Variants in KCNIP4 observed in about 807,000 individuals in gnomAD.
KCNIP4 encodes the protein Kv channel-interacting protein 4.
Under a neutral mutation model 34.0 loss-of-function variants are expected in KCNIP4, and 12 were observed. That is an observed-to-expected ratio of 0.35 (90% CI 0.23 to 0.57). The LOEUF (loss-of-function observed/expected upper bound fraction) is 0.57. Among genes scored for constraint, KCNIP4 ranks in the 20% least tolerant of loss-of-function variants. KCNIP4 has a pLI of 0.83. For synonymous variants in KCNIP4, 124 were observed against 102.2 expected (o/e 1.21, Z -1.29); for missense variants, 238 against 311.7 (o/e 0.76, Z 1.78).
chr4:20,998,688 A>C (rs1474917872), intron 1 of KCNIP4, among the ~76,000 whole-genome samples: 1 of 152,188 alleles, frequency 6.6e-6, no homozygotes, highest in Non-Finnish European at 1.5e-5. Flanking sequence ...ATAAGAAAAC[A>C]CTTGTCTCTT....
rs1758060550 is a variant in KCNIP4, at chr4:21,222,590, G to A, written c.62-339881C>T. ...CTGTTCATGCAACTACTGTTAACAT[G>A]TTTTTAAATTTTTTTCTTTAGAATA... On this transcript the variant is annotated intron_variant, in intron 1 of 8. Coordinates refer to ENST00000382152, the MANE Select transcript of KCNIP4 (RefSeq NM_025221.6). 1.3e-5 allele frequency among the ~76,000 whole-genome samples: 2 copies of A among 152,088 alleles called. 1 individual carries two copies. Among genetic ancestry groups the A allele is most frequent in the Admixed American group, 1.3e-4 (2 of 15,252 alleles).
At chr4:21,564,261 C>A (rs544798891) in intron 1 of KCNIP4, among the ~76,000 whole-genome samples, 2 of 152,202 alleles carry the variant, frequency 1.3e-5, no homozygotes, top group African/African-American at 4.8e-5. Context: ...TGCTTGCTCT[C>A]AAATGGGAAG....
At chr4:21,686,813 T>C (rs1386260167) in intron 1 of KCNIP4, among the ~76,000 whole-genome samples, 1 of 151,916 alleles carries the variant, frequency 6.6e-6, no homozygotes, top group African/African-American at 2.4e-5. Context: ...AGTATCCCAT[T>C]ACTGGGTATA....
At chr4:21,595,442 C>T (rs1272813279) in intron 1 of KCNIP4, among the ~76,000 whole-genome samples, 1 of 152,090 alleles carries the variant, frequency 6.6e-6, no homozygotes, top group African/African-American at 2.4e-5. Context: ...AATAGTGCTA[C>T]AGTAAACATG....
At chr4:21,348,252 C>T (rs1157791089) in intron 1 of KCNIP4, among the ~76,000 whole-genome samples, 1 of 152,106 alleles carries the variant, frequency 6.6e-6, no homozygotes, top group Non-Finnish European at 1.5e-5. Flanking sequence ...ATTATCAAGT[C>T]ACTAACAGTC....
At chr4:21,344,290 G>T (rs1294614002) in intron 1 of KCNIP4, among the ~76,000 whole-genome samples, 1 of 152,090 alleles carries the variant, frequency 6.6e-6, no homozygotes. Flanking sequence ...GAGAATAAAA[G>T]CTTCATGTGG....
intron 5 of KCNIP4, among the ~76,000 whole-genome samples, chr4:20,741,948 G>A (rs974832534): frequency 6.6e-6 from 1 of 152,188 alleles, no homozygotes; most frequent in East Asian, 1.9e-4. Context: ...ACACCTCTAT[G>A]CGAATAAACT....
chr4:21,859,782 A>C (rs962780460), intron 1 of KCNIP4, among the ~76,000 whole-genome samples: 2 of 152,182 alleles, frequency 1.3e-5, no homozygotes. Context: ...TAATCCCAGC[A>C]CTTTGGGAAG....
At chr4:21,033,582 T>A (rs1285912663) in intron 1 of KCNIP4, among the ~76,000 whole-genome samples, 1 of 152,152 alleles carries the variant, frequency 6.6e-6, no homozygotes, top group African/African-American at 2.4e-5. Flanking sequence ...GAGGAGACAG[T>A]GAAAACCATG....
intron 1 of KCNIP4, among the ~76,000 whole-genome samples, chr4:21,512,087 AGGAGGGAG>A (rs72098591): frequency 7.0e-6 from 1 of 142,030 alleles, no homozygotes; most frequent in East Asian, 2.2e-4. Flanking sequence ...GAAGGAAGGA[AGGAGGGAG>A]GGAGGGAGGA....
chr4:21,462,512 G>A (rs1227118589), intron 1 of KCNIP4, among the ~76,000 whole-genome samples: 1 of 151,918 alleles, frequency 6.6e-6, no homozygotes, highest in Admixed American at 6.6e-5. Context: ...ACAACACACG[G>A]GAATTCAAGA....
chr4:21,258,754 A>G (rs756365453), intron 1 of KCNIP4, among the ~76,000 whole-genome samples: 1 of 152,084 alleles, frequency 6.6e-6, no homozygotes, highest in Non-Finnish European at 1.5e-5. Context: ...TAAAACTTAA[A>G]TCGCTTCCCT....
intron 1 of KCNIP4, among the ~76,000 whole-genome samples, chr4:21,207,190 A>G (rs1756911792): frequency 6.6e-6 from 1 of 152,170 alleles, no homozygotes; most frequent in Admixed American, 6.5e-5. Context: ...GAAATATTAT[A>G]TTTTTATAAG....
intron 1 of KCNIP4, among the ~76,000 whole-genome samples, chr4:21,867,319 C>A (rs1725492961): frequency 6.6e-6 from 1 of 152,114 alleles, no homozygotes; most frequent in African/African-American, 2.4e-5. Context: ...ATGAGTCTCA[C>A]TTTTCATAAA....
At chr4:21,935,048 C>T (rs1729778609) in intron 1 of KCNIP4, among the ~76,000 whole-genome samples, 1 of 151,968 alleles carries the variant, frequency 6.6e-6, no homozygotes. Flanking sequence ...AAGCAAAGGC[C>T]TTCATCAGTT....
chr4:21,100,422 A>G (rs1202545643), intron 1 of KCNIP4, among the ~76,000 whole-genome samples: 3 of 152,120 alleles, frequency 2.0e-5, no homozygotes, highest in Admixed American at 2.0e-4. Flanking sequence ...GCGTGCTGGT[A>G]TGTACCTGTA....
chr4:21,119,611 C>T (rs1749977211), intron 1 of KCNIP4, among the ~76,000 whole-genome samples: 1 of 151,634 alleles, frequency 6.6e-6, no homozygotes, highest in African/African-American at 2.4e-5. Context: ...TTTAAACAAA[C>T]AAAAATAATG....
chr4:21,262,906 T>C (rs1761564737), intron 1 of KCNIP4, among the ~76,000 whole-genome samples: 1 of 152,242 alleles, frequency 6.6e-6, no homozygotes, highest in Non-Finnish European at 1.5e-5. Context: ...CTTTTAAAAC[T>C]AGTATACCTC....
chr4:21,589,257 T>G (rs1443668621), intron 1 of KCNIP4, among the ~76,000 whole-genome samples: 1 of 139,560 alleles, frequency 7.2e-6, no homozygotes, highest in Non-Finnish European at 1.6e-5. Context: ...CATATATGTA[T>G]CTATACAGAT....
Sources: gnomAD v4.1 joint callset for allele counts (sites outside exome capture counted in the v4.1 genomes callset) on GRCh38, gnomAD v4.1.1 for gene constraint, MANE v1.5 for transcripts, NCBI Gene and HGNC (gene_info 2026-07-23, HGNC 2026-07-21) for gene names.